The following ATRNL1 variants were observed in gnomAD, a reference collection of about 807,000 sequenced individuals.
The protein encoded by ATRNL1 is attractin-like protein 1.
A neutral mutation model predicts 182.7 loss-of-function variants in ATRNL1; 95 were observed. The ratio of observed to expected loss-of-function variants is 0.52; its 90% CI spans 0.44 to 0.62. ATRNL1 has a LOEUF of 0.62. Ranked by LOEUF, ATRNL1 falls within the 20% of genes least tolerant of loss-of-function variation. ATRNL1 has a pLI of 0.00. For synonymous variants in ATRNL1, 576 were observed against 568.3 expected (o/e 1.01, Z -0.19); for missense variants, 1,471 against 1,679.5 (o/e 0.88, Z 2.17).
intron 25 of ATRNL1, among the ~76,000 whole-genome samples, chr10:115,530,276 TTAAA>T (rs1851489385): frequency 2.0e-5 from 3 of 152,134 alleles, no homozygotes; most frequent in Middle Eastern, 3.2e-3. Context: ...TAACTCTAGG[TTAAA>T]CATTGTGATA....
At chr10:115,752,703 G>A (rs75411198) in intron 27 of ATRNL1, among the ~76,000 whole-genome samples, 1,799 of 152,120 alleles carry the variant, frequency 0.012, 17 homozygotes, top group Middle Eastern at 0.02. Context: ...CTTGTAGTAC[G>A]TTGAGCACTT....
intron 26 of ATRNL1, among the ~76,000 whole-genome samples, chr10:115,654,539 A>T (rs111764058): frequency 5.1e-4 from 77 of 152,168 alleles, no homozygotes; most frequent in African/African-American, 1.8e-3. Context: ...TTTCTCATTG[A>T]CTAATTTAAA....
intron 1 of ATRNL1, among the ~76,000 whole-genome samples, chr10:115,102,669 A>G (rs2143441949): frequency 6.6e-6 from 1 of 152,142 alleles, no homozygotes; most frequent in South Asian, 2.1e-4. Context: ...GTGGTCTCTA[A>G]CTCCTGACCT....
At chr10:115,113,476 C>T (rs1404139340) in intron 1 of ATRNL1, among the ~76,000 whole-genome samples, 1 of 152,142 alleles carries the variant, frequency 6.6e-6, no homozygotes, top group Non-Finnish European at 1.5e-5. Context: ...TCTTGAATTA[C>T]CACGTGTTGT....
intron 15 of ATRNL1, among the ~76,000 whole-genome samples, chr10:115,289,686 C>T (rs879976689): frequency 6.6e-6 from 1 of 152,114 alleles, no homozygotes; most frequent in Admixed American, 6.5e-5. Context: ...CAAAAATCAG[C>T]TGGCTGCAGC....
intron 26 of ATRNL1, among the ~76,000 whole-genome samples, chr10:115,617,185 C>G (rs1432668137): frequency 6.6e-6 from 1 of 152,210 alleles, no homozygotes; most frequent in East Asian, 1.9e-4. Context: ...GTGAAACATG[C>G]AGTCAAGGGA....
intron 19 of ATRNL1, among the ~76,000 whole-genome samples, chr10:115,357,642 A>G (rs1028370707): frequency 6.6e-6 from 1 of 151,726 alleles, no homozygotes; most frequent in African/African-American, 2.4e-5. Context: ...TTAGTTACAC[A>G]TACTTTTATC....
At chr10:115,666,715 A>G (rs1014598824) in intron 26 of ATRNL1, among the ~76,000 whole-genome samples, 4 of 152,134 alleles carry the variant, frequency 2.6e-5, no homozygotes, top group South Asian at 2.1e-4. Context: ...CATCATATCA[A>G]ATCCTCAGTA....
chr10:115,698,081 C>T (rs1301034974), intron 26 of ATRNL1, among the ~76,000 whole-genome samples: 3 of 151,952 alleles, frequency 2.0e-5, no homozygotes, highest in African/African-American at 7.3e-5. Flanking sequence ...GGGAATTAAC[C>T]CTTTATAGAT....
intron 26 of ATRNL1, among the ~76,000 whole-genome samples, chr10:115,585,348 G>T (rs1323846913): frequency 1.2e-3 from 139 of 111,874 alleles, no homozygotes; most frequent in African/African-American, 4.2e-3. Flanking sequence ...TGACAGTGGG[G>T]TGTTAAAGTC....
intron 13 of ATRNL1, among the ~76,000 whole-genome samples, chr10:115,277,647 T>C (rs1055545706): frequency 1.3e-5 from 2 of 151,950 alleles, no homozygotes; most frequent in African/African-American, 4.8e-5. Flanking sequence ...TTTTTTCTTA[T>C]AAAGTAGAGC....
intron 27 of ATRNL1, among the ~76,000 whole-genome samples, chr10:115,836,924 G>A (rs782265746): frequency 2.0e-5 from 3 of 152,006 alleles, no homozygotes; most frequent in East Asian, 1.9e-4. Flanking sequence ...TGCAGTGGGC[G>A]CCACCCAATG....
intron 27 of ATRNL1, among the ~76,000 whole-genome samples, chr10:115,749,645 G>T (rs1336118955): frequency 4.6e-5 from 7 of 151,688 alleles, no homozygotes; most frequent in African/African-American, 1.7e-4. Flanking sequence ...CATTCTTTTT[G>T]CTGGAGAATA....
chr10:115,746,778 C>T (rs1238306385), intron 27 of ATRNL1, among the ~76,000 whole-genome samples: 1 of 151,990 alleles, frequency 6.6e-6, no homozygotes, highest in African/African-American at 2.4e-5. Context: ...ATTTCTGCTG[C>T]TCTAACAAAA....
chr10:115,702,813 A>G (rs2133998931), intron 26 of ATRNL1, among the ~76,000 whole-genome samples: 1 of 152,042 alleles, frequency 6.6e-6, no homozygotes, highest in East Asian at 1.9e-4. Context: ...AACATTCTGT[A>G]CTCATGGATT....
chr10:115,686,647 C>T (rs531152281), intron 26 of ATRNL1, among the ~76,000 whole-genome samples: 23 of 151,976 alleles, frequency 1.5e-4, no homozygotes, highest in Admixed American at 2.6e-4. Flanking sequence ...ATTTCAAGTC[C>T]GCTAACCAAA....
At chr10:115,710,632 G>C (rs1380944890) in intron 26 of ATRNL1, among the ~76,000 whole-genome samples, 1 of 152,114 alleles carries the variant, frequency 6.6e-6, no homozygotes, top group Admixed American at 6.6e-5. Context: ...GGGGATGTAG[G>C]AGTCCTGGGA....
chr10:115,096,530 A>G (rs746932462), intron 1 of ATRNL1: 150 of 527,900 alleles, frequency 2.8e-4, no homozygotes, highest in Non-Finnish European at 4.5e-4. Context: ...CTTTTTCTAA[A>G]CTGAAGGATA....
chr10:115,918,249 C>T (rs1366366663), intron 28 of ATRNL1, among the ~76,000 whole-genome samples: 1 of 152,066 alleles, frequency 6.6e-6, no homozygotes, highest in Non-Finnish European at 1.5e-5. Context: ...TACAAGCGTG[C>T]ACCACTGTAG....
Sources: allele counts gnomAD v4.1 joint callset (sites outside exome capture counted in the v4.1 genomes callset), GRCh38; gene constraint gnomAD v4.1.1; transcripts MANE v1.5; gene names NCBI Gene and HGNC (gene_info 2026-07-23, HGNC 2026-07-21).